The following RPL23A variants were observed in gnomAD, a reference collection of about 807,000 sequenced individuals.
RPL23A encodes large ribosomal subunit protein uL23.
In RPL23A, 2 loss-of-function variants were observed where a neutral mutation model predicts 17.6. The observed-to-expected ratio is 0.11, with a 90% CI of 0.05 to 0.36. The LOEUF is 0.36. Among genes scored for constraint, RPL23A ranks in the 10% least tolerant of loss-of-function variants. The pLI is 1.00. For missense variants in RPL23A, 132 were observed against 194.4 expected, an observed-to-expected ratio of 0.68 and a Z score of 1.91; for synonymous variants, 65 against 74.3, an observed-to-expected ratio of 0.87 and a Z score of 0.65.
At chr17:28,722,592 ATGAC>A in intron 2 of RPL23A, 127 bp from the exon 3 acceptor site, 1 of 813,336 alleles carries the variant, frequency 1.2e-6, no homozygotes, top group South Asian at 1.3e-5. Context: ...GGTGCAGATG[ATGAC>A]ACTGTAAAGC....
intron 2 of RPL23A, chr17:28,721,365 A>C (rs1485972459): frequency 6.4e-6 from 1 of 157,100 alleles, no homozygotes; most frequent in African/African-American, 2.4e-5. Flanking sequence ...AAAAAAAAAA[A>C]AACCCTGAGT....
rs781717968 is a variant in RPL23A at position 28,720,275 on chromosome 17, C to G, written c.25+245C>G. The G allele has an allele frequency of 5.8e-6, 9 of 1,542,902 alleles. No individual in the cohort carries two copies. In the African/African-American group the frequency reaches 1.2e-4, roughly 21 times the overall value. On this transcript the variant is annotated intron_variant, in intron 1 of 4. Transcript: ENST00000422514. ...CATCCGCCAGGGAGGGCCAGACATT[C>G]GGTTCTGGGAAGCTACATGCATCCA...
At chr17:28,723,010 C>G (rs2151725135) in intron 3 of RPL23A, 111 bp downstream of exon 3, 2 of 785,422 alleles carry the variant, frequency 2.5e-6, no homozygotes, top group African/African-American at 1.7e-5. Flanking sequence ...TAATGCAGGA[C>G]TACACGTGTA....
chr17:28,720,392 T>C, intron 1 of RPL23A: 1 of 1,581,116 alleles, frequency 6.3e-7, no homozygotes. Flanking sequence ...CCGGGCTACA[T>C]TACCCGCCCC....
chr17:28,723,844 C>G (rs762685746), intron 4 of RPL23A, 23 bp from the exon 5 acceptor site: 5 of 1,602,876 alleles, frequency 3.1e-6, no homozygotes, highest in East Asian at 2.2e-5. Flanking sequence ...ACTCCAGTAA[C>G]GAGGCTCCCT....
intron 2 of RPL23A, 104 bp downstream of exon 2, chr17:28,720,994 C>T: frequency 3.2e-6 from 3 of 949,196 alleles, no homozygotes; most frequent in Admixed American, 4.7e-5. Context: ...CAAATTGTGT[C>T]CAGTGTGCTT....
intron 2 of RPL23A, chr17:28,721,828 T>G (rs1313699709): frequency 6.6e-6 from 1 of 152,210 alleles, no homozygotes; most frequent in African/African-American, 2.4e-5. Context: ...GTTCACAGAC[T>G]GTCTTCCTGC....
intron 1 of RPL23A, chr17:28,720,234 GC>G (rs1167317479): frequency 6.5e-7 from 1 of 1,538,508 alleles, no homozygotes; most frequent in African/African-American, 1.4e-5. Flanking sequence ...TTGGGGGGGG[GC>G]AACGCGGCAG....
At position 28,720,027 on chromosome 17, in the gene RPL23A, G is replaced by A; in HGVS notation, c.22G>A (p.Glu8Lys). Residue 8 changes from glutamate to lysine, a missense_variant, in exon 1 of 5, where the codon GAA becomes AAA. Around this residue, in one of 2 missense-constraint regions of RPL23A, gnomAD observed 63 missense variants for 48.9 expected, o/e 1.29. Transcript: ENST00000422514. MAPKAKKEAPAPPKAEAK... is the reference protein window; with the variant it reads MAPKAKKKAPAPPKAEAK... ...CAAGATGGCGCCGAAAGCGAAGAAG[G>A]AAGGTGTGTGTTGGTGATGGGGCCG... The A allele has an allele frequency of 6.4e-7, 1 of 1,551,886 alleles. No individual in the cohort carries two copies. Among genetic ancestry groups the A allele is most frequent in the Non-Finnish European group, 8.7e-7 (1 of 1,147,102 alleles).
intron 4 of RPL23A, 88 bp downstream of exon 4, chr17:28,723,728 A>G: frequency 1.5e-6 from 2 of 1,374,802 alleles, no homozygotes; most frequent in Non-Finnish European, 1.0e-6. Flanking sequence ...ATCTTTGCTG[A>G]TTAGTCATAA....
At chr17:28,720,349 G>T in intron 1 of RPL23A, 1 of 1,552,542 alleles carries the variant, frequency 6.4e-7, no homozygotes, top group Non-Finnish European at 8.7e-7. Flanking sequence ...AGTGCCCTCA[G>T]CTTTAACCAT....
In RPL23A at chr17:28,720,654, G is replaced by A. The variant is rs541250273; in HGVS notation, c.26-53G>A. Reference sequence around the variant, plus strand: ...TGGCCCACTGCAGTTCTTGGGGCCGGAAGTGACCGATTTCTAAATCCCGCA... The same window carrying A: ...TGGCCCACTGCAGTTCTTGGGGCCGAAAGTGACCGATTTCTAAATCCCGCA... On this transcript the variant is annotated intron_variant, in intron 1 of 4. Coordinates refer to ENST00000422514, the MANE Select transcript of RPL23A (RefSeq NM_000984.6). 197 of 1,597,586 alleles carry A rather than the reference G, an allele frequency of 1.2e-4. 3 individuals carry two copies. In the South Asian group the frequency reaches 2.1e-3, roughly 17 times the overall value.
Position 28,720,811 on chromosome 17 carries a change from C to T in RPL23A, c.130C>T (p.Pro44Ser). The change falls in exon 2 of 5, where the codon CCC becomes TCC. Residue 44 changes from proline (P) to serine (S), a missense_variant. Pro to Ser is a moderately conservative substitution (Grantham distance 74). This residue lies in a region of RPL23A where 69 missense variants were observed against 145.5 expected (regional missense o/e 0.47). Transcript: ENST00000422514. ...SHKKKKIRTS[P>S]TFRRPKTLRL... ...CAAAAAGAAGAAGATCCGCACGTCA[C>T]CCACCTTCCGGCGGCCGAAGACACT... The T allele has an allele frequency of 6.2e-7, 1 of 1,613,314 alleles. No individual in the cohort carries two copies. Among genetic ancestry groups the T allele is most frequent in the Non-Finnish European group, 8.5e-7 (1 of 1,179,244 alleles).
At chr17:28,723,215 C>T in intron 3 of RPL23A, 1 of 529,192 alleles carries the variant, frequency 1.9e-6, no homozygotes. Flanking sequence ...AGCCTTGAGG[C>T]AGGAATTACA....
At chr17:28,722,412 C>A (rs1163312869) in intron 2 of RPL23A, 5 of 455,500 alleles carry the variant, frequency 1.1e-5, no homozygotes, top group African/African-American at 1.0e-4. Flanking sequence ...CTCTTGACCT[C>A]GTGATCAGCC....
chr17:28,720,042 T>G lies in RPL23A; in HGVS notation c.25+12T>G. 6.4e-7 allele frequency: 1 copy of G among 1,551,410 alleles called. No individual in the cohort carries two copies. The highest frequency in any genetic ancestry group is 8.7e-7 in the Non-Finnish European group (1 of 1,146,996). ...AGCGAAGAAGGAAGGTGTGTGTTGG[T>G]GATGGGGCCGCAGCTGGTTTACCGG... On this transcript the variant is annotated intron_variant, in intron 1 of 4. Transcript: ENST00000422514.
intron 2 of RPL23A, chr17:28,721,269 G>T (rs2034109867): frequency 4.8e-6 from 1 of 207,200 alleles, no homozygotes; most frequent in Non-Finnish European, 1.0e-5. Context: ...CAGGAGAATC[G>T]CTTGAACCCG....
In RPL23A at chr17:28,720,033, G is replaced by A. The variant is rs1015023383; in HGVS notation, c.25+3G>A. On this transcript the variant is annotated splice_donor_region_variant and intron_variant, in intron 1 of 4. Transcript: ENST00000422514. ...GGCGCCGAAAGCGAAGAAGGAAGGT[G>A]TGTGTTGGTGATGGGGCCGCAGCTG... is the stretch of plus-strand genomic sequence containing the variant. 2.8e-5 allele frequency: 44 copies of A among 1,551,650 alleles called. No individual in the cohort carries two copies. Among genetic ancestry groups the A allele is most frequent in the Non-Finnish European group, 3.7e-5 (42 of 1,147,082 alleles).
intron 1 of RPL23A, chr17:28,720,442 A>G (rs2034093869): frequency 1.2e-6 from 2 of 1,611,800 alleles, no homozygotes. Flanking sequence ...TATGTGTAAA[A>G]TTCGTAGGAC....
Sources: gnomAD v4.1 joint callset for allele counts on GRCh38, gnomAD v4.1.1 for gene constraint, gnomAD v4.1.1 regional missense constraint, MANE v1.5 for transcripts, NCBI Gene and HGNC (gene_info 2026-07-23, HGNC 2026-07-21) for gene names.